SEC24B: variants seen among roughly 807,000 people sequenced by gnomAD.
SEC24B encodes SEC24 homolog B, COPII component.
A neutral mutation model predicts 142.8 loss-of-function variants in SEC24B; 45 were observed. That is an observed-to-expected ratio of 0.32 (90% CI 0.25 to 0.40). SEC24B has a LOEUF of 0.40. SEC24B is among the 10% of genes least tolerant of loss of function. The pLI, the probability that SEC24B is intolerant of heterozygous loss-of-function variation, is 1.00. For missense variants in SEC24B, 1,409 were observed against 1,526.8 expected (o/e 0.92, Z 1.29); for synonymous variants, 574 against 568.2 (o/e 1.01, Z -0.15).
chr4:109,465,240 T>TG (rs1731736169), intron 2 of SEC24B, among the ~76,000 whole-genome samples: 1 of 152,212 alleles, frequency 6.6e-6, no homozygotes, highest in African/African-American at 2.4e-5. Context: ...TCAAAGTGTC[T>TG]GTCACAGTTC....
chr4:109,503,998 C>A (rs1422733039), intron 6 of SEC24B, among the ~76,000 whole-genome samples: 2 of 151,998 alleles, frequency 1.3e-5, no homozygotes, highest in Non-Finnish European at 1.5e-5. Context: ...TGCTATTAAT[C>A]CATGTGATCA....
intron 11 of SEC24B, among the ~76,000 whole-genome samples, chr4:109,516,974 T>TAAC (rs548174845): frequency 3.7e-4 from 57 of 152,256 alleles, no homozygotes; most frequent in Non-Finnish European, 7.9e-4. Flanking sequence ...AGACAAAAGA[T>TAAC]AACATGTTGG....
intron 9 of SEC24B, among the ~76,000 whole-genome samples, chr4:109,513,032 T>C (rs1341235595): frequency 6.7e-6 from 1 of 148,240 alleles, no homozygotes; most frequent in Non-Finnish European, 1.5e-5. Context: ...TGGAGTGCAG[T>C]GGTGCGATCT....
chr4:109,465,448 C>T (rs1731763641), intron 2 of SEC24B, among the ~76,000 whole-genome samples: 1 of 152,140 alleles, frequency 6.6e-6, no homozygotes, highest in Admixed American at 6.5e-5. Flanking sequence ...GTTGAATTGC[C>T]TGTGGTCATT....
intron 2 of SEC24B, among the ~76,000 whole-genome samples, chr4:109,467,129 A>G (rs898140328): frequency 1.3e-5 from 2 of 151,808 alleles, no homozygotes; most frequent in African/African-American, 2.4e-5. Context: ...GATCGAGACC[A>G]TCCTGGCTAA....
chr4:109,504,278 A>C lies in SEC24B; in HGVS notation c.1489-2050A>C, dbSNP rs139798896. ...CTAAATGTCATTTAAAATTCAGTCTATATTCAGATTTTCCAGACTGTTTCA... is the reference window on the plus strand; with the variant it reads ...CTAAATGTCATTTAAAATTCAGTCTCTATTCAGATTTTCCAGACTGTTTCA... On this transcript the variant is annotated intron_variant, in intron 6 of 23. Transcript: ENST00000265175. 1.2e-4 allele frequency among the ~76,000 whole-genome samples: 19 copies of C among 152,356 alleles called. No homozygotes were observed. In the East Asian group the frequency reaches 3.7e-3, roughly 29 times the overall value.
intron 4 of SEC24B, among the ~76,000 whole-genome samples, chr4:109,483,796 TG>T (rs1214866625): frequency 6.6e-6 from 1 of 152,262 alleles, no homozygotes; most frequent in African/African-American, 2.4e-5. Context: ...AAATTTTTTT[TG>T]TAATTTTAAA....
chr4:109,454,061 T>C (rs1730416276), intron 1 of SEC24B, among the ~76,000 whole-genome samples: 1 of 152,146 alleles, frequency 6.6e-6, no homozygotes, highest in African/African-American at 2.4e-5. Flanking sequence ...TTTCTCCATG[T>C]TGCCCAGGCT....
chr4:109,449,414 T>TTTA, intron 1 of SEC24B: 2 of 359,794 alleles, frequency 5.6e-6, no homozygotes, highest in Non-Finnish European at 5.5e-6. Flanking sequence ...TTTTTTTTTG[T>TTTA]AGAGACGGGA....
rs747353082 is a variant in SEC24B at position 109,539,571 on chromosome 4, CCTGCCA to C, written c.3704_3709del (p.Pro1235_Lys1237delinsGln). 3 of 1,611,284 alleles carry C rather than the reference CCTGCCA, an allele frequency of 1.9e-6. No homozygotes were observed. In the East Asian group the frequency reaches 6.7e-5, roughly 36 times the overall value. ...TTTTCTTTCTTCCAGAGATGAGAGT[CCTGCCA>C]AAGCAGAATTTTTTCAGCATTTGAT... is the stretch of plus-strand genomic sequence containing the variant. On this transcript the variant is annotated inframe_deletion, in exon 24 of 24. Coordinates refer to ENST00000265175, the MANE Select transcript of SEC24B (RefSeq NM_006323.5).
intron 5 of SEC24B, 97 bp downstream of exon 5, chr4:109,491,504 T>C: frequency 1.2e-6 from 1 of 861,230 alleles, no homozygotes. Context: ...TAGCAGGCTA[T>C]ATTTTTAACA....
intron 20 of SEC24B, 106 bp downstream of exon 20, chr4:109,531,628 C>CT (rs1405449556): frequency 7.8e-6 from 6 of 771,926 alleles, no homozygotes; most frequent in African/African-American, 5.3e-5. Flanking sequence ...CTTTTTAACT[C>CT]TTTTTCCCCC....
At chr4:109,515,566 A>T (rs1279992768) in intron 10 of SEC24B, among the ~76,000 whole-genome samples, 1 of 152,076 alleles carries the variant, frequency 6.6e-6, no homozygotes. Context: ...GGGCCCGAGC[A>T]ATCCACCTAC....
chr4:109,516,650 T>C lies in SEC24B; in HGVS notation c.2126+10T>C. The C allele has an allele frequency of 7.0e-7, 1 of 1,425,330 alleles. No homozygotes were observed. Among genetic ancestry groups the C allele is most frequent in the Non-Finnish European group, 9.9e-7 (1 of 1,014,300 alleles). The allele number at this position is 1,425,330 out of a possible 1,614,324, so 88.3% of individuals were successfully genotyped here. On this transcript the variant is annotated intron_variant, in intron 11 of 23. Transcript: ENST00000265175. The stretch of plus-strand genomic sequence containing the variant: ...TAGAAAATCTAGACAAGTAAGAATA[T>C]TTTTAATTCATACTATACATATGTG...
At chr4:109,435,385 T>C (rs1728312356) in intron 1 of SEC24B, among the ~76,000 whole-genome samples, 1 of 152,236 alleles carries the variant, frequency 6.6e-6, no homozygotes, top group Admixed American at 6.5e-5. Flanking sequence ...GTTCTTGTTT[T>C]TGTTTGTTTT....
In SEC24B at chr4:109,526,403, A is replaced by G; in HGVS notation, c.2965+4A>G. On this transcript the variant is annotated splice_donor_region_variant and intron_variant, in intron 17 of 23. Coordinates refer to ENST00000265175, the MANE Select transcript of SEC24B (RefSeq NM_006323.5). ...CTATTATATACATCAAGCAAAGGTA[A>G]TGTTAACAGAAATGAAATATAGTCT... 1.9e-6 allele frequency: 3 copies of G among 1,596,618 alleles called. No homozygotes were observed. Among genetic ancestry groups the G allele is most frequent in the Non-Finnish European group, 2.6e-6 (3 of 1,167,636 alleles).
intron 1 of SEC24B, among the ~76,000 whole-genome samples, chr4:109,442,542 T>C (rs987161724): frequency 2.6e-5 from 4 of 152,190 alleles, no homozygotes; most frequent in African/African-American, 9.7e-5. Flanking sequence ...ATAAAGGAAC[T>C]TGTACTTTGC....
At chr4:109,440,196 T>G (rs56717127) in intron 1 of SEC24B, among the ~76,000 whole-genome samples, 2,245 of 152,282 alleles carry the variant, frequency 0.015, 38 homozygotes, top group African/African-American at 0.038. Flanking sequence ...AATTTTTATT[T>G]TTTATTGCTA....
chr4:109,460,949 T>G (rs1731197476), intron 1 of SEC24B, among the ~76,000 whole-genome samples: 2 of 147,092 alleles, frequency 1.4e-5, no homozygotes, highest in Non-Finnish European at 3.1e-5. Context: ...TTTAAAAATC[T>G]GTCAAGCATA....
Sources: allele counts gnomAD v4.1 joint callset (sites outside exome capture counted in the v4.1 genomes callset), GRCh38; gene constraint gnomAD v4.1.1; transcripts MANE v1.5; gene names NCBI Gene and HGNC (gene_info 2026-07-23, HGNC 2026-07-21).